CPD: variants seen among roughly 807,000 people sequenced by gnomAD.
The protein encoded by CPD is carboxypeptidase D.
CPD carries 69 observed loss-of-function variants against 138.3 expected under a neutral mutation model. The observed-to-expected ratio is 0.50, with a 90% CI of 0.41 to 0.61. CPD has a LOEUF of 0.61. CPD is among the 20% of genes least tolerant of loss of function. CPD has a pLI of 0.00. For missense variants in CPD, 1,432 were observed against 1,733.3 expected, an observed-to-expected ratio of 0.83 and a Z score of 3.09; for synonymous variants, 651 against 642.1, an observed-to-expected ratio of 1.01 and a Z score of -0.21.
intron 2 of CPD, among the ~76,000 whole-genome samples, chr17:30,412,696 G>A (rs1468876268): frequency 6.6e-6 from 1 of 152,220 alleles, no homozygotes; most frequent in African/African-American, 2.4e-5. Flanking sequence ...AGGCACAGGA[G>A]GGAATCTTCT....
At chr17:30,401,498 T>C (rs571630936) in intron 2 of CPD, among the ~76,000 whole-genome samples, 3 of 151,932 alleles carry the variant, frequency 2.0e-5, no homozygotes, top group Admixed American at 6.6e-5. Context: ...GTTATTATTA[T>C]TGTGAGACAG....
At chr17:30,437,948 C>T (rs1286699469) in intron 8 of CPD, among the ~76,000 whole-genome samples, 1 of 151,016 alleles carries the variant, frequency 6.6e-6, no homozygotes, top group Non-Finnish European at 1.5e-5. Context: ...GCTATTTTCC[C>T]ATCTCAGCCT....
At position 30,469,756 on chromosome 17, in the gene CPD, GCTT is replaced by G. The variant is rs1425807234; in HGVS notation, c.*4946_*4948del. ...TTAAATGAAATTAAGTTGTATTTAT[GCTT>G]CTTTAGTGAAAACAACGTTACTTAA... On this transcript the variant is annotated 3_prime_UTR_variant, in exon 21 of 21. Coordinates refer to ENST00000225719, the MANE Select transcript of CPD (RefSeq NM_001304.5). 1 of 152,118 alleles carries G rather than the reference GCTT, an allele frequency of 6.6e-6. No homozygotes were observed. Among genetic ancestry groups the G allele is most frequent in the Non-Finnish European group, 1.5e-5 (1 of 68,012 alleles). The allele number at this position is 152,118 out of a possible 1,614,324, so 9.4% of individuals were successfully genotyped here.
Position 30,468,746 on chromosome 17 carries a change from A to G in CPD, c.*3932A>G, listed in dbSNP as rs575746341. The G allele has an allele frequency of 1.3e-5, 2 of 152,592 alleles. No homozygotes were observed. Among genetic ancestry groups the G allele is most frequent in the South Asian group, 4.1e-4 (2 of 4,830 alleles). 9.5% of individuals were successfully genotyped at this position (152,592 alleles called of 1,614,324 possible). ...GATGCAATATGCCGGAAAAAGTTAT[A>G]GGTCCAGTTTGAAAATTATTTAGTT... On this transcript the variant is annotated 3_prime_UTR_variant, in exon 21 of 21. Transcript: ENST00000225719.
chr17:30,437,273 G>A (rs1456782799), intron 8 of CPD, among the ~76,000 whole-genome samples: 2 of 152,134 alleles, frequency 1.3e-5, no homozygotes, highest in Admixed American at 6.5e-5. Context: ...TTTAAATGGA[G>A]TCAATGTGTG....
chr17:30,425,277 T>A (rs1038428818), intron 6 of CPD, among the ~76,000 whole-genome samples: 1 of 152,242 alleles, frequency 6.6e-6, no homozygotes, highest in African/African-American at 2.4e-5. Flanking sequence ...GTGATCACTT[T>A]AATGTGAGCA....
intron 17 of CPD, among the ~76,000 whole-genome samples, chr17:30,459,844 G>A (rs1913420714): frequency 6.6e-6 from 1 of 152,128 alleles, no homozygotes; most frequent in South Asian, 2.1e-4. Context: ...AATTAGGCAG[G>A]AGTTGTTAGC....
At chr17:30,415,083 C>G (rs900228272) in intron 2 of CPD, among the ~76,000 whole-genome samples, 1 of 152,094 alleles carries the variant, frequency 6.6e-6, no homozygotes, top group African/African-American at 2.4e-5. Flanking sequence ...CCTCTGTTGC[C>G]TTTGTTCTCT....
chr17:30,402,813 A>G (rs1911710122), intron 2 of CPD, among the ~76,000 whole-genome samples: 1 of 152,198 alleles, frequency 6.6e-6, no homozygotes. Context: ...CTATTAAAAC[A>G]TAATACTTGT....
chr17:30,412,837 G>A (rs1245038907), intron 2 of CPD, among the ~76,000 whole-genome samples: 1 of 152,172 alleles, frequency 6.6e-6, no homozygotes, highest in Non-Finnish European at 1.5e-5. Context: ...GCACTTCCCA[G>A]TTGAGGTGAC....
intron 7 of CPD, among the ~76,000 whole-genome samples, chr17:30,429,914 C>T (rs185313371): frequency 2.6e-5 from 4 of 152,208 alleles, no homozygotes; most frequent in African/African-American, 7.2e-5. Flanking sequence ...GCCTTTCTCA[C>T]GGGAAATTTA....
chr17:30,423,570 G>A lies in CPD; in HGVS notation c.1722G>A (p.Leu574=), dbSNP rs886396591. The A allele has an allele frequency of 6.2e-7, 1 of 1,611,460 alleles. No individual in the cohort carries two copies. ...HGNEVVGREL[L]LNLIEYLCKN... ...ATGAAGTGGTTGGAAGAGAACTGCT[G>A]TTGAACCTCATAGAATACCTTTGTA... The change falls in exon 6 of 21, where the codon CTG becomes CTA. Residue 574 remains leucine (L), a synonymous_variant. Coordinates refer to ENST00000225719, the MANE Select transcript of CPD (RefSeq NM_001304.5).
chr17:30,447,909 T>C (rs113151434), intron 12 of CPD, among the ~76,000 whole-genome samples: 1,711 of 152,334 alleles, frequency 0.011, 33 homozygotes, highest in African/African-American at 0.039. Flanking sequence ...CCTGTTGTAG[T>C]TAAGGTCTTT....
At chr17:30,414,372 G>A (rs1467601530) in intron 2 of CPD, among the ~76,000 whole-genome samples, 2 of 152,022 alleles carry the variant, frequency 1.3e-5, no homozygotes, top group African/African-American at 4.8e-5. Context: ...TCAGGAGATC[G>A]AGACCATCCT....
chr17:30,393,817 A>G (rs915157239), intron 2 of CPD, among the ~76,000 whole-genome samples: 1 of 152,192 alleles, frequency 6.6e-6, no homozygotes, highest in Non-Finnish European at 1.5e-5. Flanking sequence ...TTTTAAGATT[A>G]TATATTAAAA....
chr17:30,456,799 A>G (rs974898638), intron 17 of CPD: 1 of 281,304 alleles, frequency 3.6e-6, no homozygotes, highest in South Asian at 4.2e-5. Context: ...TCGAGCCGAG[A>G]TCGCACTACT....
At chr17:30,439,219 A>G (rs1280797426) in intron 9 of CPD, 142 bp downstream of exon 9, 1 of 524,982 alleles carries the variant, frequency 1.9e-6, no homozygotes, top group African/African-American at 2.0e-5. Context: ...ATATTTAAAT[A>G]ATCTTTTCAA....
intron 2 of CPD, among the ~76,000 whole-genome samples, chr17:30,410,877 T>C (rs1225990930): frequency 1.3e-5 from 2 of 152,342 alleles, no homozygotes; most frequent in Admixed American, 1.3e-4. Context: ...AATGTTGTTA[T>C]GTGTGAATTT....
chr17:30,421,116 T>A, intron 3 of CPD, 133 bp downstream of exon 3: 1 of 643,964 alleles, frequency 1.6e-6, no homozygotes, highest in African/African-American at 1.9e-5. Flanking sequence ...GATTATAAAT[T>A]ATCTTTAAAG....
Sources: gnomAD v4.1 joint callset for allele counts (sites outside exome capture counted in the v4.1 genomes callset) on GRCh38, gnomAD v4.1.1 for gene constraint, MANE v1.5 for transcripts, NCBI Gene and HGNC (gene_info 2026-07-23, HGNC 2026-07-21) for gene names.